The following GTF2B variants were observed in gnomAD, a reference collection of about 807,000 sequenced individuals.
GTF2B encodes transcription initiation factor IIB.
GTF2B carries 20 observed loss-of-function variants against 34.6 expected under a neutral mutation model. The ratio of observed to expected loss-of-function variants is 0.58; its 90% CI spans 0.41 to 0.84. The LOEUF (loss-of-function observed/expected upper bound fraction) is 0.84, where lower values mean the gene tolerates loss of function less well. Ranked by LOEUF, GTF2B falls within the 40% of genes least tolerant of loss-of-function variation. GTF2B has a pLI of 0.00. For synonymous variants in GTF2B, 142 were observed against 132.4 expected (o/e 1.07, Z -0.50); for missense variants, 237 against 393.3 (o/e 0.60, Z 3.36).
At chr1:88,887,440 T>C (rs2100981900) in intron 1 of GTF2B, 73 bp from the exon 2 acceptor site, 1 of 881,074 alleles carries the variant, frequency 1.1e-6, no homozygotes, top group South Asian at 1.3e-5. Flanking sequence ...GGATGGGGGA[T>C]GGGGAAGACA....
intron 6 of GTF2B, among the ~76,000 whole-genome samples, chr1:88,856,109 A>G (rs139767715): frequency 0.019 from 2,926 of 152,020 alleles, 91 homozygotes; most frequent in African/African-American, 0.066. Context: ...ATCTCTACTA[A>G]AAATACAAAT....
At chr1:88,866,072 T>TAA (rs1342034072) in intron 2 of GTF2B, among the ~76,000 whole-genome samples, 2 of 151,966 alleles carry the variant, frequency 1.3e-5, no homozygotes, top group Non-Finnish European at 1.5e-5. Context: ...GTGATAGATT[T>TAA]AAAAAAAGGC....
In GTF2B at chr1:88,891,508, C is replaced by T; in HGVS notation, c.-9G>A. ...CGGCTGGTAGACGCCATCTTCACGG[C>T]GACTGCGGTGCCCGCAACAAGACAC... On this transcript the variant is annotated 5_prime_UTR_variant, in exon 1 of 7. Transcript: ENST00000370500. The T allele has an allele frequency of 6.2e-7, 1 of 1,601,982 alleles. No homozygotes were observed.
chr1:88,864,543 G>C (rs907356436), intron 2 of GTF2B, among the ~76,000 whole-genome samples: 2 of 152,224 alleles, frequency 1.3e-5, no homozygotes, highest in African/African-American at 4.8e-5. Context: ...CGTGGGAAAT[G>C]CTTCGCAGAA....
intron 3 of GTF2B, among the ~76,000 whole-genome samples, chr1:88,863,467 G>A (rs939478645): frequency 4.0e-5 from 6 of 151,888 alleles, no homozygotes; most frequent in Admixed American, 6.6e-5. Context: ...CCTCAGCCTC[G>A]CGAGTAAGCT....
At chr1:88,878,694 T>C (rs907162965) in intron 2 of GTF2B, among the ~76,000 whole-genome samples, 2 of 152,226 alleles carry the variant, frequency 1.3e-5, no homozygotes, top group Admixed American at 1.3e-4. Context: ...CTCTGACGAA[T>C]ACAATACTGA....
intron 2 of GTF2B, among the ~76,000 whole-genome samples, chr1:88,870,686 C>T (rs1436503793): frequency 6.6e-6 from 1 of 152,126 alleles, no homozygotes; most frequent in Non-Finnish European, 1.5e-5. Context: ...ATTTCCAATG[C>T]TTAACTTTCA....
At chr1:88,882,199 ACTCAGTAGG>A (rs1190760615) in intron 2 of GTF2B, among the ~76,000 whole-genome samples, 1 of 150,616 alleles carries the variant, frequency 6.6e-6, no homozygotes, top group East Asian at 2.0e-4. Context: ...AATCCCAGGT[ACTCAGTAGG>A]CTGAAGTACA....
intron 6 of GTF2B, among the ~76,000 whole-genome samples, chr1:88,856,998 A>C (rs1673328000): frequency 1.3e-5 from 2 of 152,060 alleles, no homozygotes; most frequent in Admixed American, 6.6e-5. Context: ...ATGGGGTTTC[A>C]CCATGTTGAT....
chr1:88,862,406 G>A (rs1162363074), intron 3 of GTF2B, among the ~76,000 whole-genome samples: 2 of 152,104 alleles, frequency 1.3e-5, no homozygotes, highest in African/African-American at 2.4e-5. Flanking sequence ...GCCATGTGTC[G>A]TGGCCCACAC....
intron 2 of GTF2B, among the ~76,000 whole-genome samples, chr1:88,866,641 C>G (rs567900874): frequency 2.6e-5 from 4 of 152,184 alleles, no homozygotes; most frequent in Non-Finnish European, 5.9e-5. Flanking sequence ...CCCCTAGGCT[C>G]AAGTGATCCA....
At position 88,852,850 on chromosome 1, in the gene GTF2B, A is replaced by AGAAC. The variant is rs35988059; in HGVS notation, c.*362_*363insGTTC. The AGAAC allele has an allele frequency of 0.087, 16,687 of 191,542 alleles. 2,034 individuals are homozygous for AGAAC. Among genetic ancestry groups the AGAAC allele is most frequent in the African/African-American group, 0.3 (12,758 of 41,908 alleles). The allele number at this position is 191,542 out of a possible 1,614,324, so 11.9% of individuals were successfully genotyped here. A position where few individuals can be genotyped will look rare whatever the true frequency, so the allele number is the denominator to read the frequency against. On this transcript the variant is annotated 3_prime_UTR_variant, in exon 7 of 7. Coordinates refer to ENST00000370500, the MANE Select transcript of GTF2B (RefSeq NM_001514.6). ...ATGTATATATAAGTAATGGAAATAA[A>AGAAC]GTCTATCAGCTTTATTAGCTGCAAT...
intron 1 of GTF2B, among the ~76,000 whole-genome samples, chr1:88,888,608 G>A (rs1297448252): frequency 1.3e-5 from 2 of 152,184 alleles, no homozygotes; most frequent in East Asian, 1.9e-4. Flanking sequence ...TGTGCAACAC[G>A]TGCTAAGAAC....
At position 88,864,123 on chromosome 1, in the gene GTF2B, A is replaced by G. The variant is rs760454889; in HGVS notation, c.125-9T>C. The G allele has an allele frequency of 3.1e-5, 50 of 1,613,434 alleles. No individual in the cohort carries two copies. In the Middle Eastern group the frequency reaches 6.6e-4, roughly 21 times the overall value. On this transcript the variant is annotated splice_polypyrimidine_tract_variant and intron_variant, in intron 2 of 6. Coordinates refer to ENST00000370500, the MANE Select transcript of GTF2B (RefSeq NM_001514.6). ...ATCAATAACCCGGTCACCTAAGAATATAAGCACATATCTGAATCATTTTGT... is the reference window on the plus strand; with the variant it reads ...ATCAATAACCCGGTCACCTAAGAATGTAAGCACATATCTGAATCATTTTGT...
chr1:88,866,061 A>C (rs890671333), intron 2 of GTF2B, among the ~76,000 whole-genome samples: 2 of 151,872 alleles, frequency 1.3e-5, no homozygotes, highest in African/African-American at 4.8e-5. Flanking sequence ...ATATAATCTT[A>C]GTGATAGATT....
At chr1:88,882,248 T>G (rs1015099617) in intron 2 of GTF2B, among the ~76,000 whole-genome samples, 1 of 134,940 alleles carries the variant, frequency 7.4e-6, no homozygotes, top group Non-Finnish European at 1.5e-5. Context: ...AGGCAGAGGC[T>G]GCAGTGAGCG....
chr1:88,887,280 A>G lies in GTF2B; in HGVS notation c.105T>C (p.Pro35=). The G allele has an allele frequency of 1.2e-6, 2 of 1,606,876 alleles. No individual in the cohort carries two copies. The highest frequency in any genetic ancestry group is 8.5e-7 in the Non-Finnish European group (1 of 1,173,554). ...ACTCACCTACAACCAAGCCACATTC[A>G]GGACAGATCATATCACCGGCTCTGT... ...EDYRAGDMIC[P]ECGLVVGDRV... Residue 35 remains proline (P), a synonymous_variant, in exon 2 of 7, where the codon CCT becomes CCC. Coordinates refer to ENST00000370500, the MANE Select transcript of GTF2B (RefSeq NM_001514.6).
rs537082466 is a variant in GTF2B, at chr1:88,855,096, A to T, written c.818-1750T>A. 2.0e-5 allele frequency among the ~76,000 whole-genome samples: 3 copies of T among 152,330 alleles called. No individual in the cohort carries two copies. The South Asian group carries it at 6.2e-4, about 32-fold the overall frequency. On this transcript the variant is annotated intron_variant, in intron 6 of 6. Transcript: ENST00000370500. ...TGTTTTCATGTTGTTCATTAGAATA[A>T]ACTTTACAACTAGGAATGTACCTCA...
At chr1:88,867,771 T>C (rs888817097) in intron 2 of GTF2B, among the ~76,000 whole-genome samples, 3 of 152,202 alleles carry the variant, frequency 2.0e-5, no homozygotes, top group African/African-American at 7.2e-5. Context: ...CTTTATACTG[T>C]TTTTATAAAG....
Sources: gnomAD v4.1 joint callset for allele counts (sites outside exome capture counted in the v4.1 genomes callset) on GRCh38, gnomAD v4.1.1 for gene constraint, MANE v1.5 for transcripts, NCBI Gene and HGNC (gene_info 2026-07-23, HGNC 2026-07-21) for gene names.